FAM193B: variants seen among roughly 807,000 people sequenced by gnomAD.
The protein encoded by FAM193B is family with sequence similarity 193 member B.
FAM193B carries 27 observed loss-of-function variants against 70.7 expected under a neutral mutation model. The observed-to-expected ratio is 0.38, with a 90% CI of 0.28 to 0.53. The LOEUF (loss-of-function observed/expected upper bound fraction) is 0.53, where lower values mean the gene tolerates loss of function less well. Ranked by LOEUF, FAM193B falls within the 20% of genes least tolerant of loss-of-function variation. The probability of loss-of-function intolerance (pLI) is 0.81; values close to 1 mark genes in which losing one functional copy is unlikely to be tolerated. For missense variants in FAM193B, 1,022 were observed against 1,072.5 expected, an observed-to-expected ratio of 0.95 and a Z score of 0.66; for synonymous variants, 448 against 436.0, an observed-to-expected ratio of 1.03 and a Z score of -0.34.
Position 177,524,520 on chromosome 5 carries a change from C to CG in FAM193B, c.1960dup (p.Arg654ProfsTer35). ...GGGAACCTCTAGGCTGGCTGGGGGC[C>CG]GGGGGGCTGGGCTTGCCTCGCTCTT... is the stretch of plus-strand genomic sequence containing the variant. On this transcript the variant is annotated frameshift_variant, in exon 6 of 9. Transcript: ENST00000514747. LOFTEE classifies it high-confidence loss of function. 3 of 1,612,412 alleles carry CG rather than the reference C, an allele frequency of 1.9e-6. No homozygotes were observed. Among genetic ancestry groups the CG allele is most frequent in the Non-Finnish European group, 1.7e-6 (2 of 1,179,532 alleles).
chr5:177,528,307 CA>C (rs1762931584), intron 5 of FAM193B, among the ~76,000 whole-genome samples: 1 of 152,120 alleles, frequency 6.6e-6, no homozygotes, highest in Non-Finnish European at 1.5e-5. Context: ...AAACCGCCTG[CA>C]ATGAGCTAAT....
intron 5 of FAM193B, chr5:177,531,482 G>A (rs779317855): frequency 3.7e-6 from 5 of 1,358,152 alleles, no homozygotes; most frequent in Non-Finnish European, 4.9e-6. Flanking sequence ...AGCTTCTCCC[G>A]GATCTCGGTA....
intron 5 of FAM193B, among the ~76,000 whole-genome samples, chr5:177,529,340 T>A (rs1281790842): frequency 6.6e-6 from 1 of 151,904 alleles, no homozygotes; most frequent in African/African-American, 2.4e-5. Context: ...AAGGAGCAGC[T>A]GGGCTTTGGT....
chr5:177,553,159 C>G (rs935297361), intron 1 of FAM193B: 1 of 985,432 alleles, frequency 1.0e-6, no homozygotes, highest in Non-Finnish European at 1.2e-6. Context: ...AAACGGCAAC[C>G]CCACTCACAT....
At chr5:177,530,608 G>T (rs1350893881) in intron 5 of FAM193B, among the ~76,000 whole-genome samples, 1 of 152,166 alleles carries the variant, frequency 6.6e-6, no homozygotes, top group African/African-American at 2.4e-5. Context: ...TTTGGCCACG[G>T]CATAATCTTA....
rs1395900039 is a variant in FAM193B at position 177,520,089 on chromosome 5, G to C, written c.*94C>G. 1.3e-5 allele frequency: 2 copies of C among 152,376 alleles called. No individual in the cohort carries two copies. The highest frequency in any genetic ancestry group is 2.9e-5 in the Non-Finnish European group (2 of 68,194). 9.4% of individuals were successfully genotyped at this position (152,376 alleles called of 1,614,324 possible). On this transcript the variant is annotated 3_prime_UTR_variant, in exon 9 of 9. Transcript: ENST00000514747. ...GTGGGGAGCACAGAGGGTCTTGGAC[G>C]GGTAGGTGGGGCACACGGAGGGAAA...
chr5:177,554,382 G>C lies in FAM193B; in HGVS notation c.77C>G (p.Pro26Arg). Residue 26 changes from proline to arginine, a missense_variant, in exon 1 of 9, where the codon CCC becomes CGC. Transcript: ENST00000514747. ...CGGCGGCGGGGGCTCGGGCGCCTGG[G>C]GCTTCTGCGGCCCCGCGGCCCGAGC... Reference protein sequence around the residue: ...ERARAAGPQKPQAPEPPPPPS... With the variant: ...ERARAAGPQKRQAPEPPPPPS... 1.7e-6 allele frequency: 2 copies of C among 1,193,156 alleles called. No homozygotes were observed. The highest frequency in any genetic ancestry group is 2.1e-6 in the Non-Finnish European group (2 of 963,528). The allele number at this position is 1,193,156 out of a possible 1,614,324, so 73.9% of individuals were successfully genotyped here.
intron 1 of FAM193B, among the ~76,000 whole-genome samples, chr5:177,544,925 A>G (rs546418610): frequency 2.0e-5 from 3 of 152,334 alleles, no homozygotes; most frequent in East Asian, 1.9e-4. Flanking sequence ...ATTTTTTTTC[A>G]TATACTTCAA....
chr5:177,552,516 CTA>C (rs1246318770), intron 1 of FAM193B, among the ~76,000 whole-genome samples: 2 of 152,222 alleles, frequency 1.3e-5, no homozygotes, highest in Non-Finnish European at 2.9e-5. Flanking sequence ...TTTGGCATCT[CTA>C]TGTGGCAGAG....
At chr5:177,529,642 C>G (rs1763152236) in intron 5 of FAM193B, among the ~76,000 whole-genome samples, 1 of 152,106 alleles carries the variant, frequency 6.6e-6, no homozygotes, top group African/African-American at 2.4e-5. Flanking sequence ...AACAGCTGAA[C>G]TGAACTTGGA....
intron 1 of FAM193B, among the ~76,000 whole-genome samples, chr5:177,540,486 G>A (rs1764723068): frequency 6.6e-6 from 1 of 152,084 alleles, no homozygotes; most frequent in South Asian, 2.1e-4. Context: ...TTGGCCAATG[G>A]GATGTTAGCA....
Position 177,536,357 on chromosome 5 carries a change from C to G in FAM193B, c.1076+1G>C. The G allele has an allele frequency of 1.2e-6, 2 of 1,607,676 alleles. No homozygotes were observed. The highest frequency in any genetic ancestry group is 1.7e-6 in the Non-Finnish European group (2 of 1,177,962). Reference sequence around the variant, plus strand: ...GTTTGCCCTTCATGCAGCACACTTACCTGTGAGTGCTAGGGAGTGGCTGAG... The same window carrying G: ...GTTTGCCCTTCATGCAGCACACTTAGCTGTGAGTGCTAGGGAGTGGCTGAG... On this transcript the variant is annotated splice_donor_variant, in intron 4 of 8. Coordinates refer to ENST00000514747, the MANE Select transcript of FAM193B (RefSeq NM_001190946.3). LOFTEE classifies it high-confidence loss of function.
chr5:177,528,118 T>C (rs1762896647), intron 5 of FAM193B, among the ~76,000 whole-genome samples: 1 of 152,110 alleles, frequency 6.6e-6, no homozygotes, highest in East Asian at 1.9e-4. Context: ...CTGGAGAACA[T>C]GGCACTCCCC....
chr5:177,554,141 T>C (rs1223831468), intron 1 of FAM193B, 108 bp downstream of exon 1: 9 of 1,432,032 alleles, frequency 6.3e-6, no homozygotes, highest in Non-Finnish European at 8.3e-6. Flanking sequence ...GGAAGGCTGC[T>C]ACCCCAGCCG....
chr5:177,522,103 A>G (rs1235216961), intron 7 of FAM193B, 32 bp from the exon 8 acceptor site: 1 of 1,563,282 alleles, frequency 6.4e-7, no homozygotes, highest in South Asian at 1.1e-5. Context: ...TGAGAAGCAC[A>G]ATCAGAGGTT....
rs947982942 is a variant in FAM193B at position 177,553,621 on chromosome 5, G to A, written c.210+628C>T. On this transcript the variant is annotated intron_variant, in intron 1 of 8. Coordinates refer to ENST00000514747, the MANE Select transcript of FAM193B (RefSeq NM_001190946.3). ...TCCAAACCTGGGATCTCAAGGTCGG[G>A]GTGGGCTGCCTTGCGGAGCAGGGGA... 2.4e-6 allele frequency: 3 copies of A among 1,231,780 alleles called. No homozygotes were observed. In the African/African-American group the frequency reaches 4.7e-5, roughly 19 times the overall value. The allele number at this position is 1,231,780 out of a possible 1,614,324, so 76.3% of individuals were successfully genotyped here. A position where few individuals can be genotyped will look rare whatever the true frequency, so the allele number is the denominator to read the frequency against.
intron 8 of FAM193B, among the ~76,000 whole-genome samples, chr5:177,521,276 G>A (rs550549467): frequency 3.9e-5 from 6 of 152,218 alleles, no homozygotes; most frequent in Non-Finnish European, 8.8e-5. Context: ...CAGGCCCAGT[G>A]CCTTCTCCAG....
intron 4 of FAM193B, among the ~76,000 whole-genome samples, chr5:177,534,350 G>T (rs374686246): frequency 3.4e-5 from 5 of 146,398 alleles, no homozygotes; most frequent in African/African-American, 1.3e-4. Flanking sequence ...TGGATGGAGT[G>T]CAGTGTTGCG....
At chr5:177,542,947 C>T (rs1246018047) in intron 1 of FAM193B, among the ~76,000 whole-genome samples, 1 of 152,166 alleles carries the variant, frequency 6.6e-6, no homozygotes, top group African/African-American at 2.4e-5. Flanking sequence ...CTCAGATTTG[C>T]TAGGTGTCCC....
Sources: allele counts gnomAD v4.1 joint callset (sites outside exome capture counted in the v4.1 genomes callset), GRCh38; gene constraint gnomAD v4.1.1; transcripts MANE v1.5; gene names NCBI Gene and HGNC (gene_info 2026-07-23, HGNC 2026-07-21).